Variants in SCAF4 observed in about 807,000 individuals in gnomAD.
SCAF4 encodes the protein SR-related CTD associated factor 4, also known as SR-related and CTD-associated factor 4.
Under a neutral mutation model 129.8 loss-of-function variants are expected in SCAF4, and 25 were observed. The observed-to-expected ratio is 0.19, with a 90% CI of 0.14 to 0.27. SCAF4 has a LOEUF of 0.27. Ranked by LOEUF, SCAF4 falls within the 10% of genes least tolerant of loss-of-function variation. The pLI, the probability that SCAF4 is intolerant of heterozygous loss-of-function variation, is 1.00. For missense variants in SCAF4, 1,246 were observed against 1,457.1 expected, an observed-to-expected ratio of 0.86 and a Z score of 2.36; for synonymous variants, 551 against 497.7, an observed-to-expected ratio of 1.11 and a Z score of -1.43.
intron 1 of SCAF4, 170 bp from the exon 2 acceptor site, chr21:31,706,527 G>C: frequency 1.7e-6 from 1 of 591,640 alleles, no homozygotes. Context: ...CAGGCACCCA[G>C]CACACACCCT....
chr21:31,704,533 A>C (rs1381826652), intron 3 of SCAF4, among the ~76,000 whole-genome samples: 5 of 121,202 alleles, frequency 4.1e-5, no homozygotes, highest in Admixed American at 1.5e-4. Context: ...GAATTTATGC[A>C]AAAAAAAAAA....
At chr21:31,693,548 A>G in intron 11 of SCAF4, 64 bp from the exon 12 acceptor site, 1 of 1,095,308 alleles carries the variant, frequency 9.1e-7, no homozygotes, top group Non-Finnish European at 1.2e-6. Flanking sequence ...ATATAAGCAC[A>G]TACTAATTAA....
At chr21:31,690,420 G>A (rs975926629) in intron 15 of SCAF4, among the ~76,000 whole-genome samples, 1 of 152,118 alleles carries the variant, frequency 6.6e-6, no homozygotes, top group African/African-American at 2.4e-5. Context: ...GGGAGGCAGA[G>A]GTTGCAGTGA....
intron 1 of SCAF4, among the ~76,000 whole-genome samples, chr21:31,718,677 AAAC>A (rs2050997995): frequency 6.6e-6 from 1 of 152,240 alleles, no homozygotes; most frequent in Non-Finnish European, 1.5e-5. Context: ...GTTTGAATGT[AAAC>A]ATTACAAAAC....
intron 1 of SCAF4, among the ~76,000 whole-genome samples, chr21:31,708,676 T>G (rs1340005173): frequency 6.6e-6 from 1 of 152,158 alleles, no homozygotes; most frequent in East Asian, 1.9e-4. Flanking sequence ...ACACATTTAA[T>G]TCTTGGGTTG....
Position 31,685,449 on chromosome 21 carries a change from G to A in SCAF4, c.2245C>T (p.Pro749Ser), listed in dbSNP as rs1226847311. Residue 749 changes from proline to serine, a missense_variant, in exon 18 of 20, where the codon CCA becomes TCA. Physicochemically the swap from Pro to Ser is moderately conservative, Grantham distance 74 (BLOSUM62 -1). Coordinates refer to ENST00000286835, the MANE Select transcript of SCAF4 (RefSeq NM_020706.2). ...LPPGPPPPIT[P>S]PVSIPPPHTP... ...TGAGGAGGAGGAATGGATACTGGTG[G>A]AGTTATAGGAGGTGGGGGTCCAGGA... 4 of 1,613,542 alleles carry A rather than the reference G, an allele frequency of 2.5e-6. No individual in the cohort carries two copies. Among genetic ancestry groups the A allele is most frequent in the Non-Finnish European group, 3.4e-6 (4 of 1,179,748 alleles).
At chr21:31,691,988 C>T (rs1309215298) in intron 13 of SCAF4, 58 bp from the exon 14 acceptor site, 2 of 870,916 alleles carry the variant, frequency 2.3e-6, no homozygotes, top group Admixed American at 2.3e-5. Context: ...CAACAAGATA[C>T]AACACCAAGT....
chr21:31,690,750 T>TAC, intron 15 of SCAF4, 47 bp downstream of exon 15: 1 of 1,560,082 alleles, frequency 6.4e-7, no homozygotes, highest in African/African-American at 1.4e-5. Context: ...TCATATGTAC[T>TAC]ACCAAGCAAA....
chr21:31,723,085 G>C (rs1031298601), intron 1 of SCAF4, among the ~76,000 whole-genome samples: 2 of 152,220 alleles, frequency 1.3e-5, no homozygotes, highest in Admixed American at 6.5e-5. Context: ...ATTTGTGTAT[G>C]TGTTGCTGTA....
intron 19 of SCAF4, among the ~76,000 whole-genome samples, chr21:31,683,269 C>A (rs944391219): frequency 6.6e-6 from 1 of 152,152 alleles, no homozygotes; most frequent in African/African-American, 2.4e-5. Context: ...TGATGATAAA[C>A]GCTACGACTG....
chr21:31,684,646 G>C (rs1292038305), intron 19 of SCAF4: 1 of 183,654 alleles, frequency 5.4e-6, no homozygotes, highest in Admixed American at 5.6e-5. Context: ...GGTCCAGACA[G>C]AGAAAAACCT....
intron 11 of SCAF4, among the ~76,000 whole-genome samples, chr21:31,693,700 A>G (rs2050314618): frequency 6.6e-6 from 1 of 152,208 alleles, no homozygotes; most frequent in African/African-American, 2.4e-5. Flanking sequence ...CAGCTTATAT[A>G]AGTATCTGTC....
At chr21:31,693,104 G>C (rs921129640) in intron 12 of SCAF4, among the ~76,000 whole-genome samples, 190 bp downstream of exon 12, 1 of 152,110 alleles carries the variant, frequency 6.6e-6, no homozygotes, top group East Asian at 1.9e-4. Flanking sequence ...CTTTATAGCT[G>C]GTTTAAGGTA....
chr21:31,731,146 G>A (rs965189598), intron 1 of SCAF4, among the ~76,000 whole-genome samples: 5 of 152,200 alleles, frequency 3.3e-5, no homozygotes, highest in Non-Finnish European at 5.9e-5. Context: ...CCCAGACCCG[G>A]GATCAGAGTC....
Position 31,696,177 on chromosome 21 carries a change from T to C in SCAF4, c.1004A>G (p.His335Arg). 6.2e-7 allele frequency: 1 copy of C among 1,614,076 alleles called. No individual in the cohort carries two copies. Among genetic ancestry groups the C allele is most frequent in the Non-Finnish European group, 8.5e-7 (1 of 1,179,994 alleles). The change falls in exon 9 of 20, where the codon CAT (histidine) becomes CGT (arginine). Residue 335 changes from histidine to arginine, a missense_variant. Coordinates refer to ENST00000286835, the MANE Select transcript of SCAF4 (RefSeq NM_020706.2). Reference protein sequence around the residue: ...DGMQQPAYTQHQNMDQFQPRM... With the variant: ...DGMQQPAYTQRQNMDQFQPRM... ...TGGCTGAAACTGATCCATATTTTGA[T>C]GCTGTGTGTATGCTGGCTGCTGCAT... is the stretch of plus-strand genomic sequence containing the variant.
At chr21:31,699,110 C>T (rs1038527945) in intron 7 of SCAF4, among the ~76,000 whole-genome samples, 1 of 152,004 alleles carries the variant, frequency 6.6e-6, no homozygotes, top group African/African-American at 2.4e-5. Context: ...TATTATGATG[C>T]AGAAATAAAC....
intron 19 of SCAF4, among the ~76,000 whole-genome samples, chr21:31,683,027 T>C (rs1449799073): frequency 6.6e-6 from 1 of 152,248 alleles, no homozygotes; most frequent in Non-Finnish European, 1.5e-5. Flanking sequence ...TGCATTTTAG[T>C]TCAAAGTGCT....
At chr21:31,690,487 T>C (rs1360606349) in intron 15 of SCAF4, among the ~76,000 whole-genome samples, 2 of 151,748 alleles carry the variant, frequency 1.3e-5, no homozygotes, top group Non-Finnish European at 2.9e-5. Context: ...CCTCAAAAAA[T>C]AAATAAAAAA....
In SCAF4 at chr21:31,672,012, G is replaced by A. The variant is rs377558052; in HGVS notation, c.2831C>T (p.Pro944Leu). 1.4e-4 allele frequency: 218 copies of A among 1,612,794 alleles called. No homozygotes were observed. The highest frequency in any genetic ancestry group is 1.6e-4 in the Non-Finnish European group (191 of 1,179,502). Reference sequence around the variant, plus strand: ...CTGTGGCTGCTGCTGTGGCTGCTGCGGCGGCTGTTGCCTTCCGTCTCTGTC... The same window carrying A: ...CTGTGGCTGCTGCTGTGGCTGCTGCAGCGGCTGTTGCCTTCCGTCTCTGTC... ...PEDRDGRQQP[P>L]QQPQQQPQPQ... The change falls in exon 20 of 20, where the codon CCG becomes CTG. Residue 944 changes from proline to leucine, a missense_variant. Physicochemically the swap from Pro to Leu is moderately conservative, Grantham distance 98. Transcript: ENST00000286835.
Sources: allele counts gnomAD v4.1 joint callset (sites outside exome capture counted in the v4.1 genomes callset), GRCh38; gene constraint gnomAD v4.1.1; transcripts MANE v1.5; gene names NCBI Gene and HGNC (gene_info 2026-07-23, HGNC 2026-07-21).